Variants in SCAMP5 observed in about 807,000 individuals in gnomAD.
SCAMP5 encodes the protein secretory carrier-associated membrane protein 5.
SCAMP5 carries 7 observed loss-of-function variants against 28.3 expected under a neutral mutation model. That is an observed-to-expected ratio of 0.25 (90% CI 0.14 to 0.46). The LOEUF is 0.46. Among genes scored for constraint, SCAMP5 ranks in the 20% least tolerant of loss-of-function variants. The pLI, the probability that SCAMP5 is intolerant of heterozygous loss-of-function variation, is 0.99. For missense variants in SCAMP5, 192 were observed against 312.5 expected (o/e 0.61, Z 2.91); for synonymous variants, 117 against 116.4 (o/e 1.00, Z -0.03).
intron 1 of SCAMP5, among the ~76,000 whole-genome samples, chr15:75,001,740 C>T (rs781586416): frequency 4.0e-5 from 6 of 151,752 alleles, no homozygotes; most frequent in African/African-American, 1.5e-4. Flanking sequence ...TGCGATGGCA[C>T]GTGCCTGTAA....
intron 1 of SCAMP5, among the ~76,000 whole-genome samples, chr15:75,000,066 C>T (rs2065689531): frequency 6.6e-6 from 1 of 151,960 alleles, no homozygotes; most frequent in Non-Finnish European, 1.5e-5. Flanking sequence ...ATCCACCAAA[C>T]CTAAAGATCA....
In SCAMP5 at chr15:74,996,048, G is replaced by C. The variant is rs149816968; in HGVS notation, c.-49+375G>C. The C allele has an allele frequency of 1.3e-5, 2 of 152,874 alleles. No homozygotes were observed. Among genetic ancestry groups the C allele is most frequent in the African/African-American group, 4.8e-5 (2 of 41,598 alleles). The allele number at this position is 152,874 out of a possible 1,614,324, so 9.5% of individuals were successfully genotyped here. On this transcript the variant is annotated intron_variant, in intron 1 of 6. Transcript: ENST00000425597. This position sits in a 1 kb window ranked among gnomAD's most constrained non-coding sequence, Gnocchi z 4.1. Reference sequence around the variant, plus strand: ...AACCGGCCTTCTGGAGATGGCGTGCGCAGCCGGGGATGGGGGCGACTGGAA... The same window carrying C: ...AACCGGCCTTCTGGAGATGGCGTGCCCAGCCGGGGATGGGGGCGACTGGAA...
Position 74,995,603 on chromosome 15 carries a change from GC to G in SCAMP5, c.-117del, listed in dbSNP as rs1022486976. 9.5e-5 allele frequency: 14 copies of G among 148,052 alleles called. No individual in the cohort carries two copies. Among genetic ancestry groups the G allele is most frequent in the Admixed American group, 9.3e-4 (14 of 14,996 alleles). 9.2% of individuals were successfully genotyped at this position (148,052 alleles called of 1,614,324 possible). On this transcript the variant is annotated 5_prime_UTR_variant, in exon 1 of 7. Coordinates refer to ENST00000425597, the MANE Select transcript of SCAMP5 (RefSeq NM_138967.4). ...CGGAGCGGCTCGCGGCCGGCTCCGC[GC>G]CGCATCGCTCGGGTGCAGCGCAGCT...
At chr15:75,000,791 A>G (rs1310388808) in intron 1 of SCAMP5, among the ~76,000 whole-genome samples, 1 of 149,944 alleles carries the variant, frequency 6.7e-6, no homozygotes, top group Non-Finnish European at 1.5e-5. Flanking sequence ...GGCCAGGATG[A>G]CCTAGCCCCA....
In SCAMP5 at chr15:75,019,055, G is replaced by A; in HGVS notation, c.*72G>A. ...GGGCTCAAGCCACATCGTCATTTGT[G>A]GTTACCAAGCAGGGTTCCCCCTTCC... On this transcript the variant is annotated 3_prime_UTR_variant, in exon 7 of 7. Coordinates refer to ENST00000425597, the MANE Select transcript of SCAMP5 (RefSeq NM_138967.4). 2 of 1,131,560 alleles carry A rather than the reference G, an allele frequency of 1.8e-6. No individual in the cohort carries two copies. Among genetic ancestry groups the A allele is most frequent in the Middle Eastern group, 2.1e-4 (1 of 4,706 alleles). The allele number at this position is 1,131,560 out of a possible 1,614,324, so 70.1% of individuals were successfully genotyped here. A position where few individuals can be genotyped will look rare whatever the true frequency, so the allele number is the denominator to read the frequency against.
intron 1 of SCAMP5, among the ~76,000 whole-genome samples, chr15:75,004,378 A>G (rs1300180353): frequency 3.3e-5 from 5 of 152,136 alleles, no homozygotes; most frequent in Admixed American, 3.3e-4. Context: ...GAACCGTTTG[A>G]AAGGACGTTA....
In SCAMP5 at chr15:74,996,366, C is replaced by G. The variant is rs945543135; in HGVS notation, c.-49+693C>G. The G allele has an allele frequency of 2.4e-4, 36 of 152,404 alleles. No homozygotes were observed. Among genetic ancestry groups the G allele is most frequent in the African/African-American group, 8.4e-4 (35 of 41,458 alleles). 9.4% of individuals were successfully genotyped at this position (152,404 alleles called of 1,614,324 possible). A position where few individuals can be genotyped will look rare whatever the true frequency, so the allele number is the denominator to read the frequency against. ...TCCTTGTCCTCCGCCTCGGGGAGCT[C>G]CTGGTCTGTGGGTTGGGGGAACCAA... is the stretch of plus-strand genomic sequence containing the variant. On this transcript the variant is annotated intron_variant, in intron 1 of 6. Coordinates refer to ENST00000425597, the MANE Select transcript of SCAMP5 (RefSeq NM_138967.4). The surrounding 1 kb of genome is among the most constrained non-coding windows in gnomAD (Gnocchi z 4.1).
chr15:75,001,746 T>C (rs2065710554), intron 1 of SCAMP5, among the ~76,000 whole-genome samples: 1 of 151,746 alleles, frequency 6.6e-6, no homozygotes, highest in African/African-American at 2.4e-5. Context: ...GGCACGTGCC[T>C]GTAATTCCAG....
At chr15:75,010,901 C>A (rs1046682783) in intron 1 of SCAMP5, among the ~76,000 whole-genome samples, 2 of 152,104 alleles carry the variant, frequency 1.3e-5, no homozygotes, top group East Asian at 1.9e-4. Context: ...TTTTTACTAC[C>A]ACTTGTATTT....
At position 75,019,240 on chromosome 15, in the gene SCAMP5, C is replaced by T. The variant is rs769300050; in HGVS notation, c.*257C>T. ...TGCGGTAGTAGCTGTGTCTGTGTCC[C>T]CTCGTGAAATAGTGTGCAGTGGAGG... On this transcript the variant is annotated 3_prime_UTR_variant, in exon 7 of 7. Transcript: ENST00000425597. The T allele has an allele frequency of 1.2e-4, 34 of 281,378 alleles. No individual in the cohort carries two copies. Among genetic ancestry groups the T allele is most frequent in the Non-Finnish European group, 1.9e-4 (30 of 154,836 alleles). The allele number at this position is 281,378 out of a possible 1,614,324, so 17.4% of individuals were successfully genotyped here.
At chr15:75,012,511 G>T (rs556625375) in intron 2 of SCAMP5, among the ~76,000 whole-genome samples, 166 bp from the exon 3 acceptor site, 52 of 152,320 alleles carry the variant, frequency 3.4e-4, no homozygotes, top group African/African-American at 1.2e-3. Context: ...GGCTACTTTG[G>T]GATCATCACA....
At chr15:75,004,397 AC>A (rs2065736965) in intron 1 of SCAMP5, among the ~76,000 whole-genome samples, 1 of 152,088 alleles carries the variant, frequency 6.6e-6, no homozygotes, top group Non-Finnish European at 1.5e-5. Flanking sequence ...TACAGACCAG[AC>A]ACTGCTTCTA....
chr15:75,014,938 T>C (rs1354680796), intron 3 of SCAMP5, among the ~76,000 whole-genome samples: 1 of 152,012 alleles, frequency 6.6e-6, no homozygotes, highest in Non-Finnish European at 1.5e-5. Context: ...TGAACAGGGA[T>C]AGAGGAAATA....
Position 75,018,949 on chromosome 15 carries a change from C to T in SCAMP5, c.674C>T (p.Ala225Val), listed in dbSNP as rs780336187. ...AATCAGCCTCAGACTCAGTATTCCG[C>T]CACCCCCAATTACACGTACTCCAAT... ...AMNQPQTQYS[A>V]TPNYTYSNEM Residue 225 changes from alanine (A) to valine (V), a missense_variant, in exon 7 of 7, where the codon GCC (alanine) becomes GTC (valine). By Grantham distance (64) the Ala-to-Val change is moderately conservative. Transcript: ENST00000425597. The surrounding 1 kb of genome is among the most constrained non-coding windows in gnomAD (Gnocchi z 5.6). 2 of 1,540,598 alleles carry T rather than the reference C, an allele frequency of 1.3e-6. No individual in the cohort carries two copies. Among genetic ancestry groups the T allele is most frequent in the Non-Finnish European group, 1.7e-6 (2 of 1,152,430 alleles).
At chr15:74,999,520 C>T (rs1347757739) in intron 1 of SCAMP5, among the ~76,000 whole-genome samples, 2 of 152,040 alleles carry the variant, frequency 1.3e-5, no homozygotes, top group Non-Finnish European at 2.9e-5. Context: ...CATGTTTTCC[C>T]GAGGCGGAGC....
intron 1 of SCAMP5, among the ~76,000 whole-genome samples, chr15:75,002,647 C>T (rs2065720591): frequency 6.6e-6 from 1 of 151,958 alleles, no homozygotes; most frequent in South Asian, 2.1e-4. Flanking sequence ...CAATCTCTGC[C>T]CCTGGCTATG....
chr15:74,998,424 G>A (rs749294877), intron 1 of SCAMP5, among the ~76,000 whole-genome samples: 1 of 152,042 alleles, frequency 6.6e-6, no homozygotes, highest in Non-Finnish European at 1.5e-5. Context: ...TGGCCAACAT[G>A]GTGAAACCGT....
chr15:75,002,509 G>T (rs2065719327), intron 1 of SCAMP5, among the ~76,000 whole-genome samples: 1 of 151,792 alleles, frequency 6.6e-6, no homozygotes, highest in Non-Finnish European at 1.5e-5. Flanking sequence ...CTTTATCACT[G>T]CTGTCACCAC....
At chr15:75,009,463 G>GTGTGTA (rs2065791455) in intron 1 of SCAMP5, among the ~76,000 whole-genome samples, 1 of 151,500 alleles carries the variant, frequency 6.6e-6, no homozygotes, top group African/African-American at 2.4e-5. Flanking sequence ...GTGTGTGTGT[G>GTGTGTA]TGTGTGTGTG....
Sources: gnomAD v4.1 joint callset for allele counts (sites outside exome capture counted in the v4.1 genomes callset) on GRCh38, gnomAD v4.1.1 for gene constraint, Gnocchi (gnomAD v3.1) non-coding constraint, MANE v1.5 for transcripts, NCBI Gene and HGNC (gene_info 2026-07-23, HGNC 2026-07-21) for gene names.